The following GAREM1 variants were observed in gnomAD, a reference collection of about 807,000 sequenced individuals.
GAREM1 encodes the protein GRB2-associated and regulator of MAPK protein 1.
In GAREM1, 26 loss-of-function variants were observed where a neutral mutation model predicts 71.3. The observed-to-expected ratio is 0.36, with a 90% confidence interval of 0.27 to 0.51. The LOEUF is 0.51. GAREM1 is among the 20% of genes least tolerant of loss of function. The probability of loss-of-function intolerance (pLI) is 0.95; values close to 1 mark genes in which losing one functional copy is unlikely to be tolerated. For missense variants in GAREM1, 1,026 were observed against 1,103.1 expected (o/e 0.93, Z 0.99); for synonymous variants, 440 against 433.2 (o/e 1.02, Z -0.20).
At chr18:32,390,623 G>C (rs1436101862) in intron 2 of GAREM1, among the ~76,000 whole-genome samples, 1 of 152,094 alleles carries the variant, frequency 6.6e-6, no homozygotes, top group East Asian at 1.9e-4. Flanking sequence ...CCTTCCTTAT[G>C]GATCAAAAGC....
intron 2 of GAREM1, among the ~76,000 whole-genome samples, chr18:32,356,262 T>C (rs1446406691): frequency 2.0e-5 from 3 of 152,236 alleles, no homozygotes; most frequent in Non-Finnish European, 2.9e-5. Context: ...TATTTGAATA[T>C]GTCTAATGAC....
intron 2 of GAREM1, among the ~76,000 whole-genome samples, chr18:32,356,410 T>A (rs184423450): frequency 2.6e-5 from 4 of 152,306 alleles, no homozygotes; most frequent in Admixed American, 2.6e-4. Flanking sequence ...CAAACAAATA[T>A]CATTTTTTAG....
chr18:32,372,275 TTTAAG>T (rs1243948973), intron 2 of GAREM1, among the ~76,000 whole-genome samples: 3 of 152,346 alleles, frequency 2.0e-5, no homozygotes, highest in East Asian at 1.9e-4. Context: ...CAAGCCACCC[TTTAAG>T]TTATCAGAAT....
At chr18:32,358,284 G>A (rs545312493) in intron 2 of GAREM1, among the ~76,000 whole-genome samples, 40 of 151,946 alleles carry the variant, frequency 2.6e-4, no homozygotes, top group Non-Finnish European at 5.1e-4. Context: ...AATGAGATAT[G>A]CCCCCTGCAG....
intron 3 of GAREM1, among the ~76,000 whole-genome samples, chr18:32,292,175 A>G (rs1401194177): frequency 1.3e-5 from 2 of 152,154 alleles, no homozygotes; most frequent in Non-Finnish European, 2.9e-5. Flanking sequence ...TTTTTAAATG[A>G]CTGCCATTCT....
intron 2 of GAREM1, among the ~76,000 whole-genome samples, chr18:32,343,371 G>A (rs2047666150): frequency 6.8e-6 from 1 of 146,070 alleles, no homozygotes; most frequent in Non-Finnish European, 1.5e-5. Flanking sequence ...TTGGGGTGCA[G>A]TGGCGCGATC....
intron 1 of GAREM1, among the ~76,000 whole-genome samples, chr18:32,420,183 A>G (rs1299561001): frequency 1.3e-5 from 2 of 152,184 alleles, no homozygotes; most frequent in Non-Finnish European, 2.9e-5. Context: ...CATAATTATC[A>G]TAGCTTTAAA....
At chr18:32,342,152 C>CT (rs538934646) in intron 2 of GAREM1, among the ~76,000 whole-genome samples, 130 of 152,262 alleles carry the variant, frequency 8.5e-4, no homozygotes, top group African/African-American at 3.0e-3. Context: ...ACTCCATAAC[C>CT]TTTTTTTGAA....
chr18:32,393,107 T>C (rs1011139600), intron 1 of GAREM1, 72 bp from the exon 2 acceptor site: 2 of 1,488,982 alleles, frequency 1.3e-6, no homozygotes, highest in Non-Finnish European at 1.8e-6. Flanking sequence ...CAATAAAATT[T>C]CATTAGTTAA....
intron 1 of GAREM1, among the ~76,000 whole-genome samples, chr18:32,430,937 A>G (rs971226725): frequency 1.3e-5 from 2 of 152,234 alleles, no homozygotes; most frequent in Non-Finnish European, 2.9e-5. Flanking sequence ...AGGGGGTTTC[A>G]GAGAGCTAGA....
At chr18:32,466,738 C>G (rs1024263698) in intron 1 of GAREM1, among the ~76,000 whole-genome samples, 1 of 152,102 alleles carries the variant, frequency 6.6e-6, no homozygotes, top group African/African-American at 2.4e-5. Flanking sequence ...ATTTGCTGAA[C>G]CCAGTTCTAA....
At chr18:32,270,101 G>T in intron 5 of GAREM1, 116 bp downstream of exon 5, 1 of 1,080,686 alleles carries the variant, frequency 9.3e-7, no homozygotes, top group Non-Finnish European at 1.3e-6. Context: ...AAATTAAAAA[G>T]CCATTTCCTC....
chr18:32,408,664 A>G (rs2048387918), intron 1 of GAREM1, among the ~76,000 whole-genome samples: 1 of 152,108 alleles, frequency 6.6e-6, no homozygotes, highest in South Asian at 2.1e-4. Flanking sequence ...CCAACTCTCA[A>G]TCCCTCCTCT....
chr18:32,445,013 T>C (rs2048773295), intron 1 of GAREM1, among the ~76,000 whole-genome samples: 1 of 152,120 alleles, frequency 6.6e-6, no homozygotes, highest in Admixed American at 6.5e-5. Flanking sequence ...GATCTGTCCA[T>C]GACCTGAGAT....
intron 2 of GAREM1, among the ~76,000 whole-genome samples, chr18:32,381,659 C>A (rs2048099224): frequency 6.6e-6 from 1 of 152,214 alleles, no homozygotes; most frequent in Admixed American, 6.5e-5. Context: ...CCACTCCTGA[C>A]CAATTTAACT....
At chr18:32,298,572 G>A (rs927542936) in intron 3 of GAREM1, among the ~76,000 whole-genome samples, 1 of 152,000 alleles carries the variant, frequency 6.6e-6, no homozygotes, top group Non-Finnish European at 1.5e-5. Context: ...ACTTTTTACC[G>A]CTCATAATAC....
In GAREM1 at chr18:32,441,987, A is replaced by C. The variant is rs554961869; in HGVS notation, c.121+28321T>G. Among the ~76,000 whole-genome samples, 14 of 149,742 alleles carry C rather than the reference A, an allele frequency of 9.3e-5. No individual in the cohort carries two copies. In the South Asian group the frequency reaches 2.7e-3, roughly 29 times the overall value. ...TCCATCCATAATCAAGGCAGGTGCAAATTGTAATTTTTTTTTTTTACAGGA... is the reference window on the plus strand; with the variant it reads ...TCCATCCATAATCAAGGCAGGTGCACATTGTAATTTTTTTTTTTTACAGGA... On this transcript the variant is annotated intron_variant, in intron 1 of 5. Coordinates refer to ENST00000269209, the MANE Select transcript of GAREM1 (RefSeq NM_001242409.2).
chr18:32,339,973 C>T (rs1026197749), intron 2 of GAREM1, among the ~76,000 whole-genome samples: 8 of 152,310 alleles, frequency 5.3e-5, no homozygotes, highest in African/African-American at 1.9e-4. Context: ...AAAATGCTAT[C>T]TAATCCTATA....
rs185697588 is a variant in GAREM1, at chr18:32,279,773, T to C, written c.1566+7258A>G. 2.2e-3 allele frequency among the ~76,000 whole-genome samples: 332 copies of C among 152,158 alleles called. 1 individual carries two copies. Among genetic ancestry groups the C allele is most frequent in the Middle Eastern group, 0.014 (4 of 294 alleles). On this transcript the variant is annotated intron_variant, in intron 4 of 5. Coordinates refer to ENST00000269209, the MANE Select transcript of GAREM1 (RefSeq NM_001242409.2). ...AAACTGGTCCCTGGTGCCAAAAAGGTTGGGGACTGTGGCAATTGGATATTA... is the reference window on the plus strand; with the variant it reads ...AAACTGGTCCCTGGTGCCAAAAAGGCTGGGGACTGTGGCAATTGGATATTA...
Sources: gnomAD v4.1 joint callset for allele counts (sites outside exome capture counted in the v4.1 genomes callset) on GRCh38, gnomAD v4.1.1 for gene constraint, MANE v1.5 for transcripts, NCBI Gene and HGNC (gene_info 2026-07-23, HGNC 2026-07-21) for gene names.